The following PRR16 variants were observed in gnomAD, a reference collection of about 807,000 sequenced individuals.
PRR16 encodes the protein proline rich 16.
PRR16 carries 6 observed loss-of-function variants against 18.2 expected under a neutral mutation model. That is an observed-to-expected ratio of 0.33 (90% confidence interval 0.18 to 0.65). The LOEUF is 0.65. PRR16 is among the 30% of genes least tolerant of loss of function. The probability of loss-of-function intolerance (pLI) is 0.74; values close to 1 mark genes in which losing one functional copy is unlikely to be tolerated. For missense variants in PRR16, 412 were observed against 376.6 expected (o/e 1.09, Z -0.78); for synonymous variants, 151 against 147.8 (o/e 1.02, Z -0.16).
chr5:120,717,379 A>AT, the PRR16 span, among the ~76,000 whole-genome samples: 21 of 152,238 alleles, frequency 1.4e-4, no homozygotes, highest in East Asian at 1.5e-3. Flanking sequence ...ATTGTTTCTG[A>AT]TTTTTTCTAG....
intron 1 of PRR16, among the ~76,000 whole-genome samples, chr5:120,506,182 A>G (rs984521989): frequency 2.2e-4 from 33 of 152,018 alleles, no homozygotes; most frequent in African/African-American, 7.5e-4. Context: ...ATGAGTTCTC[A>G]TTGAGTTACC....
At chr5:120,486,497 GT>G (rs1168997213) in intron 1 of PRR16, among the ~76,000 whole-genome samples, 4 of 151,722 alleles carry the variant, frequency 2.6e-5, no homozygotes, top group African/African-American at 7.3e-5. Context: ...TGATGGGGTT[GT>G]TTTTTTCCTG....
At chr5:120,509,137 G>C (rs912472829) in intron 1 of PRR16, among the ~76,000 whole-genome samples, 4 of 152,098 alleles carry the variant, frequency 2.6e-5, no homozygotes, top group African/African-American at 9.7e-5. Flanking sequence ...GCAAAATGTA[G>C]TAGCACAGTA....
the PRR16 span, among the ~76,000 whole-genome samples, chr5:120,718,355 C>A: frequency 4.6e-5 from 7 of 152,238 alleles, no homozygotes; most frequent in Admixed American, 2.6e-4. Context: ...AGACACACAA[C>A]TCTGGGAATG....
intron 1 of PRR16, among the ~76,000 whole-genome samples, chr5:120,530,267 ATATATATATATATATATTTATTTATT>A (rs1230239896): frequency 8.2e-6 from 1 of 121,872 alleles, no homozygotes; most frequent in Admixed American, 8.1e-5. Flanking sequence ...ATATATATAT[ATATATATATATATATATTTATTTATT>A]TATTTATTTA....
intron 1 of PRR16, among the ~76,000 whole-genome samples, chr5:120,647,423 G>T (rs1283587143): frequency 1.3e-5 from 2 of 151,858 alleles, no homozygotes; most frequent in African/African-American, 4.8e-5. Context: ...TAAATAGTCT[G>T]TATGTAACTG....
intron 1 of PRR16, among the ~76,000 whole-genome samples, chr5:120,480,880 T>G (rs1749588310): frequency 6.6e-6 from 1 of 152,208 alleles, no homozygotes; most frequent in South Asian, 2.1e-4. Flanking sequence ...TAAGTATTTT[T>G]TATTAAGAAA....
the PRR16 span, among the ~76,000 whole-genome samples, chr5:120,692,991 TA>T: frequency 6.6e-6 from 1 of 152,202 alleles, no homozygotes; most frequent in African/African-American, 2.4e-5. Flanking sequence ...ATTAAGTTCC[TA>T]AATGAATTGT....
chr5:120,645,678 GT>G (rs1157561278), intron 1 of PRR16, among the ~76,000 whole-genome samples: 2 of 152,052 alleles, frequency 1.3e-5, no homozygotes, highest in African/African-American at 4.8e-5. Flanking sequence ...ATGTTTGTGG[GT>G]CCTTCATGTT....
chr5:120,658,230 C>G (rs1756051188), intron 1 of PRR16: 1 of 151,834 alleles, frequency 6.6e-6, no homozygotes, highest in African/African-American at 2.4e-5. Flanking sequence ...GAGAAGCTCA[C>G]AGTCGGGTAA....
At chr5:120,516,070 C>T (rs1580673235) in intron 1 of PRR16, among the ~76,000 whole-genome samples, 1 of 152,236 alleles carries the variant, frequency 6.6e-6, no homozygotes, top group East Asian at 1.9e-4. Context: ...ATTGTCTCCA[C>T]AATGCAGTTC....
chr5:120,685,023 G>C (rs968120267), intron 1 of PRR16, among the ~76,000 whole-genome samples: 1 of 152,106 alleles, frequency 6.6e-6, no homozygotes, highest in Non-Finnish European at 1.5e-5. Context: ...TTAGGGTCCT[G>C]GGCCCAGATA....
intron 1 of PRR16, among the ~76,000 whole-genome samples, chr5:120,519,283 ATC>A (rs1751097076): frequency 6.6e-6 from 1 of 152,142 alleles, no homozygotes; most frequent in African/African-American, 2.4e-5. Context: ...GTTACAATTT[ATC>A]ATTGTAACTG....
intron 1 of PRR16, among the ~76,000 whole-genome samples, chr5:120,489,904 T>C (rs372106764): frequency 3.3e-5 from 5 of 152,276 alleles, no homozygotes; most frequent in Admixed American, 1.3e-4. Flanking sequence ...TTCTCCTTCA[T>C]TTATGAAACT....
chr5:120,715,120 CGTA>C, the PRR16 span, among the ~76,000 whole-genome samples: 8 of 151,856 alleles, frequency 5.3e-5, no homozygotes, highest in African/African-American at 1.9e-4. Context: ...AAAAAAAAGT[CGTA>C]GCCATAGCCA....
At chr5:120,768,222 A>G in the PRR16 span, among the ~76,000 whole-genome samples, 3 of 151,840 alleles carry the variant, frequency 2.0e-5, no homozygotes, top group Admixed American at 6.6e-5. Flanking sequence ...ATTTTCCCTT[A>G]TTCTTGTTTT....
At chr5:120,682,239 T>C (rs1756995845) in intron 1 of PRR16, among the ~76,000 whole-genome samples, 1 of 152,162 alleles carries the variant, frequency 6.6e-6, no homozygotes, top group Non-Finnish European at 1.5e-5. Flanking sequence ...CTTCTGCCAG[T>C]AAGCTCCAAC....
chr5:120,468,341 G>A (rs1580608528), intron 1 of PRR16, among the ~76,000 whole-genome samples: 2 of 152,088 alleles, frequency 1.3e-5, no homozygotes, highest in African/African-American at 4.8e-5. Flanking sequence ...TTGGAGAAAT[G>A]GAGAGTTAAA....
chr5:120,571,102 A>T (rs1448453444), intron 1 of PRR16, among the ~76,000 whole-genome samples: 1 of 152,168 alleles, frequency 6.6e-6, no homozygotes, highest in Non-Finnish European at 1.5e-5. Context: ...GTAATAAGCC[A>T]TGTTTTAAAA....
Sources: allele counts gnomAD v4.1 joint callset (sites outside exome capture counted in the v4.1 genomes callset), GRCh38; gene constraint gnomAD v4.1.1; transcripts MANE v1.5; gene names NCBI Gene and HGNC (gene_info 2026-07-23, HGNC 2026-07-21).